The following NDRG3 variants were observed in gnomAD, a reference collection of about 807,000 sequenced individuals.
The protein encoded by NDRG3 is protein NDRG3.
A neutral mutation model predicts 57.2 loss-of-function variants in NDRG3; 23 were observed. The observed-to-expected ratio is 0.40, with a 90% confidence interval of 0.29 to 0.57. The LOEUF is 0.57. Ranked by LOEUF, NDRG3 falls within the 20% of genes least tolerant of loss-of-function variation. The pLI is 0.42. For synonymous variants in NDRG3, 132 were observed against 162.6 expected (o/e 0.81, Z 1.43); for missense variants, 384 against 457.3 (o/e 0.84, Z 1.46).
At chr20:36,664,401 G>A (rs530051083) in intron 12 of NDRG3, among the ~76,000 whole-genome samples, 2 of 152,176 alleles carry the variant, frequency 1.3e-5, no homozygotes, top group South Asian at 4.1e-4. Context: ...CCTTCAGAAG[G>A]AGGCAGAGGT....
intron 2 of NDRG3, among the ~76,000 whole-genome samples, chr20:36,719,672 C>T (rs1010482460): frequency 2.0e-5 from 3 of 151,858 alleles, no homozygotes; most frequent in Admixed American, 6.6e-5. Flanking sequence ...CGCACACCCC[C>T]CCTCCCCGCC....
intron 2 of NDRG3, among the ~76,000 whole-genome samples, chr20:36,712,027 C>T (rs1983913501): frequency 6.6e-6 from 1 of 152,150 alleles, no homozygotes. Context: ...GATCTGCCCA[C>T]CTCGGTCTCC....
intron 2 of NDRG3, among the ~76,000 whole-genome samples, chr20:36,714,998 GTGTGTGTGTATATATA>G (rs1478605642): frequency 1.8e-5 from 1 of 56,876 alleles, no homozygotes; most frequent in African/African-American, 8.1e-5. Context: ...GTGTGTGTGT[GTGTGTGTGTATATATA>G]TATATATATA....
chr20:36,702,825 A>G (rs996301832), intron 3 of NDRG3, among the ~76,000 whole-genome samples: 4 of 151,878 alleles, frequency 2.6e-5, no homozygotes, highest in Non-Finnish European at 5.9e-5. Context: ...AGTAGCCGGG[A>G]TTACAGGCAT....
At chr20:36,704,253 T>G (rs553207227) in intron 3 of NDRG3, among the ~76,000 whole-genome samples, 52 of 152,172 alleles carry the variant, frequency 3.4e-4, no homozygotes, top group African/African-American at 1.3e-3. Flanking sequence ...ATTTTTGTAT[T>G]TTTAGTAGAG....
At chr20:36,677,587 C>T (rs1464975383) in intron 8 of NDRG3, among the ~76,000 whole-genome samples, 1 of 152,190 alleles carries the variant, frequency 6.6e-6, no homozygotes, top group East Asian at 1.9e-4. Context: ...TCAGGGACAA[C>T]CTGCTGGCAG....
In NDRG3 at chr20:36,661,987, G is replaced by A. The variant is rs145616859; in HGVS notation, c.811-1603C>T. Among the ~76,000 whole-genome samples the A allele has an allele frequency of 1.8e-4, 28 of 152,230 alleles. No individual in the cohort carries two copies. The East Asian group carries it at 5.0e-3, about 27-fold the overall frequency. ...CAGGCAGTGACAAACAAATGTACCCGTTCACTACAGAATGCGCATTAACTC... is the reference window on the plus strand; with the variant it reads ...CAGGCAGTGACAAACAAATGTACCCATTCACTACAGAATGCGCATTAACTC... On this transcript the variant is annotated intron_variant, in intron 12 of 15. Coordinates refer to ENST00000349004, the MANE Select transcript of NDRG3 (RefSeq NM_032013.4).
At chr20:36,710,606 A>C (rs932080793) in intron 2 of NDRG3, among the ~76,000 whole-genome samples, 2 of 152,236 alleles carry the variant, frequency 1.3e-5, no homozygotes, top group South Asian at 4.2e-4. Flanking sequence ...CAGGAGTTCA[A>C]GATAGGATTG....
At chr20:36,694,771 T>A (rs1982632424) in intron 3 of NDRG3, among the ~76,000 whole-genome samples, 1 of 152,164 alleles carries the variant, frequency 6.6e-6, no homozygotes, top group Non-Finnish European at 1.5e-5. Flanking sequence ...ATTTATTTAT[T>A]TTTTGAGACA....
chr20:36,699,624 C>G (rs1039543394), intron 3 of NDRG3, among the ~76,000 whole-genome samples: 5 of 152,026 alleles, frequency 3.3e-5, no homozygotes. Context: ...TACTCTGGCT[C>G]TACGCATAGC....
chr20:36,718,437 T>C (rs1984399813), intron 2 of NDRG3, among the ~76,000 whole-genome samples: 1 of 152,136 alleles, frequency 6.6e-6, no homozygotes. Flanking sequence ...AGATAGATGT[T>C]AGGAAGTGAG....
chr20:36,720,934 C>T (rs1041859085), intron 2 of NDRG3, among the ~76,000 whole-genome samples: 2 of 151,786 alleles, frequency 1.3e-5, no homozygotes, highest in African/African-American at 4.8e-5. Context: ...TGCCACCACA[C>T]CTAGCTAATT....
intron 1 of NDRG3, among the ~76,000 whole-genome samples, chr20:36,740,324 CA>C (rs1985865066): frequency 6.6e-6 from 1 of 152,184 alleles, no homozygotes; most frequent in South Asian, 2.1e-4. Flanking sequence ...CTCCAAAGTG[CA>C]CCCCAGTTGG....
At chr20:36,731,758 C>A (rs1985297200) in intron 1 of NDRG3, among the ~76,000 whole-genome samples, 1 of 151,166 alleles carries the variant, frequency 6.6e-6, no homozygotes, top group African/African-American at 2.4e-5. Flanking sequence ...TGCAGTGAGC[C>A]GAGATCGCAC....
At chr20:36,687,466 C>T in intron 5 of NDRG3, 26 bp downstream of exon 5, 1 of 1,609,878 alleles carries the variant, frequency 6.2e-7, no homozygotes, top group East Asian at 2.2e-5. Context: ...GTGCACGTCT[C>T]CCAGATGATC....
At chr20:36,671,199 G>A in intron 9 of NDRG3, 142 bp downstream of exon 9, 1 of 670,350 alleles carries the variant, frequency 1.5e-6, no homozygotes, top group Non-Finnish European at 2.6e-6. Flanking sequence ...CCTTTGCAGG[G>A]CCACATGCCT....
chr20:36,668,501 T>A (rs993654598), intron 9 of NDRG3: 2 of 152,216 alleles, frequency 1.3e-5, no homozygotes, highest in Middle Eastern at 3.2e-3. Context: ...CATTTCAAAT[T>A]AATACAAGCA....
rs571646596 is a variant in NDRG3, at chr20:36,671,631, T to A, written c.532-234A>T. ...TCCTGGCTAACACGGTGAAACCCTG[T>A]CTCTACTAAAAATACAAAAAATTAG... On this transcript the variant is annotated intron_variant, in intron 8 of 15. Transcript: ENST00000349004. Among the ~76,000 whole-genome samples, 12 of 152,168 alleles carry A rather than the reference T, an allele frequency of 7.9e-5. No individual in the cohort carries two copies. In the South Asian group the frequency reaches 2.5e-3, roughly 32 times the overall value.
intron 5 of NDRG3, among the ~76,000 whole-genome samples, chr20:36,686,377 C>T (rs7264237): frequency 6.6e-6 from 1 of 152,172 alleles, no homozygotes; most frequent in Non-Finnish European, 1.5e-5. Context: ...GTAAACTTAT[C>T]CCATAGGGTT....
Sources: gnomAD v4.1 joint callset for allele counts (sites outside exome capture counted in the v4.1 genomes callset) on GRCh38, gnomAD v4.1.1 for gene constraint, MANE v1.5 for transcripts, NCBI Gene and HGNC (gene_info 2026-07-23, HGNC 2026-07-21) for gene names.